Variants in ITGBL1 observed in about 807,000 individuals in gnomAD.
ITGBL1 encodes the protein integrin subunit beta like 1, also known as integrin beta-like protein 1.
A neutral mutation model predicts 68.5 loss-of-function variants in ITGBL1; 51 were observed. The ratio of observed to expected loss-of-function variants is 0.74; its 90% CI spans 0.59 to 0.94. The LOEUF is 0.94. ITGBL1 is among the 40% of genes least tolerant of loss of function. The pLI, the probability that ITGBL1 is intolerant of heterozygous loss-of-function variation, is 0.00. For missense variants in ITGBL1, 649 were observed against 647.4 expected (o/e 1.00, Z -0.03); for synonymous variants, 209 against 227.3 (o/e 0.92, Z 0.72).
At chr13:101,540,381 C>A (rs574686833) in intron 2 of ITGBL1, among the ~76,000 whole-genome samples, 1 of 152,200 alleles carries the variant, frequency 6.6e-6, no homozygotes, top group East Asian at 1.9e-4. Flanking sequence ...GGCATTATTT[C>A]TGAGGGCTCT....
downstream of ITGBL1, chr13:101,717,959 A>T (rs1335686699): frequency 6.6e-6 from 1 of 152,156 alleles, no homozygotes; most frequent in Non-Finnish European, 1.5e-5. Context: ...GAAGAGTGTC[A>T]AAAATGTCCT....
At chr13:101,624,986 T>C (rs2031720324) in intron 7 of ITGBL1, among the ~76,000 whole-genome samples, 2 of 152,212 alleles carry the variant, frequency 1.3e-5, no homozygotes, top group South Asian at 2.1e-4. Context: ...TATTCAGAGA[T>C]AATGCTTCTG....
chr13:101,516,891 G>A (rs1051035890), intron 2 of ITGBL1, among the ~76,000 whole-genome samples: 5 of 152,160 alleles, frequency 3.3e-5, no homozygotes, highest in African/African-American at 1.2e-4. Context: ...CCAATTGTAT[G>A]TATTTACCAC....
intron 1 of ITGBL1, 84 bp from the exon 2 acceptor site, chr13:101,453,799 G>A (rs969619730): frequency 4.4e-5 from 39 of 881,882 alleles, no homozygotes; most frequent in Non-Finnish European, 5.8e-5. Context: ...ACCTGGAGGG[G>A]ACACTGGGGA....
At chr13:101,674,506 G>A (rs2033452502) in intron 7 of ITGBL1, among the ~76,000 whole-genome samples, 1 of 151,930 alleles carries the variant, frequency 6.6e-6, no homozygotes, top group Admixed American at 6.6e-5. Flanking sequence ...TATAAATTTA[G>A]TTTAGATTAC....
rs2281991 is a variant in ITGBL1, at chr13:101,714,475, A to C, written c.1317A>C (p.Glu439Asp). ...GTGGGAAGTGCATTTGTTCTGCTGA[A>C]GAGTGGTATATTTCTGGGGAGTTCT... ...CHCGKCICSA[E>D]EWYISGEFCD... Residue 439 changes from glutamate to aspartate, a missense_variant, in exon 10 of 11, where the codon GAA becomes GAC. Coordinates refer to ENST00000376180, the MANE Select transcript of ITGBL1 (RefSeq NM_004791.3). The C allele has an allele frequency of 6.2e-7, 1 of 1,611,664 alleles. No homozygotes were observed. The highest frequency in any genetic ancestry group is 1.1e-5 in the South Asian group (1 of 90,986).
intron 6 of ITGBL1, among the ~76,000 whole-genome samples, chr13:101,594,188 A>C (rs577965145): frequency 6.1e-4 from 93 of 152,312 alleles, no homozygotes; most frequent in Non-Finnish European, 1.1e-3. Flanking sequence ...ATTATATTAC[A>C]AAACTATAGT....
Position 101,714,437 on chromosome 13 carries a change from G to C in ITGBL1, c.1280-1G>C, listed in dbSNP as rs1290174990. On this transcript the variant is annotated splice_acceptor_variant, in intron 9 of 10. Coordinates refer to ENST00000376180, the MANE Select transcript of ITGBL1 (RefSeq NM_004791.3). LOFTEE classifies it high-confidence loss of function. ...GTGAGTAATAGCCTTTGTAATTTCA[G>C]GTTCTTGTCATTGTGGGAAGTGCAT... is the stretch of plus-strand genomic sequence containing the variant. 1 of 1,566,776 alleles carries C rather than the reference G, an allele frequency of 6.4e-7. No homozygotes were observed. The highest frequency in any genetic ancestry group is 8.8e-7 in the Non-Finnish European group (1 of 1,137,504).
intron 2 of ITGBL1, among the ~76,000 whole-genome samples, chr13:101,476,227 C>T (rs1418371478): frequency 1.3e-5 from 2 of 152,156 alleles, no homozygotes; most frequent in South Asian, 4.1e-4. Context: ...CATTAGTTTT[C>T]TCTTTGCTTG....
At chr13:101,520,079 A>AT (rs2049259896) in intron 2 of ITGBL1, among the ~76,000 whole-genome samples, 1 of 152,168 alleles carries the variant, frequency 6.6e-6, no homozygotes, top group African/African-American at 2.4e-5. Flanking sequence ...TAAAACGAAA[A>AT]TCCAGTGAGA....
rs201396598 is a variant in ITGBL1 at position 101,528,409 on chromosome 13, A to C, written c.317-39290A>C. ...ACATTGTTGTTTATAAATTTCAGTG[A>C]TCTTTCCAAGAAGTCAGCTTTTGGC... On this transcript the variant is annotated intron_variant, in intron 2 of 10. Coordinates refer to ENST00000376180, the MANE Select transcript of ITGBL1 (RefSeq NM_004791.3). Among the ~76,000 whole-genome samples, 39 of 151,858 alleles carry C rather than the reference A, an allele frequency of 2.6e-4. 1 individual carries two copies. The East Asian group carries it at 6.6e-3, about 26-fold the overall frequency.
intron 2 of ITGBL1, among the ~76,000 whole-genome samples, chr13:101,537,388 T>C (rs185208602): frequency 1.3e-5 from 2 of 152,180 alleles, no homozygotes; most frequent in Non-Finnish European, 2.9e-5. Context: ...AATAATTTTA[T>C]ATGAAACTTA....
At chr13:101,487,680 G>T (rs2139052844) in intron 2 of ITGBL1, among the ~76,000 whole-genome samples, 1 of 152,288 alleles carries the variant, frequency 6.6e-6, no homozygotes, top group East Asian at 1.9e-4. Flanking sequence ...TAGATGTGCA[G>T]GTTAACCAGT....
intron 7 of ITGBL1, among the ~76,000 whole-genome samples, chr13:101,606,416 T>C (rs2139356201): frequency 6.6e-6 from 1 of 151,750 alleles, no homozygotes; most frequent in East Asian, 1.9e-4. Flanking sequence ...ATTATAGGTA[T>C]AAAGACATTC....
intron 7 of ITGBL1, among the ~76,000 whole-genome samples, chr13:101,675,368 A>T (rs1194245776): frequency 1.3e-5 from 2 of 152,184 alleles, no homozygotes; most frequent in Non-Finnish European, 2.9e-5. Context: ...CTGTCAAAAA[A>T]ATTATTAAAG....
At chr13:101,667,792 G>A (rs2033258614) in intron 7 of ITGBL1, among the ~76,000 whole-genome samples, 2 of 151,642 alleles carry the variant, frequency 1.3e-5, no homozygotes, top group Admixed American at 1.3e-4. Flanking sequence ...GTGTTATGTT[G>A]TATGTTGTAT....
chr13:101,719,281 T>G (rs1428467189), downstream of ITGBL1: 1 of 152,106 alleles, frequency 6.6e-6, no homozygotes, highest in Non-Finnish European at 1.5e-5. Flanking sequence ...AAGCATTAAT[T>G]AAGCAAGTGG....
intron 2 of ITGBL1, among the ~76,000 whole-genome samples, chr13:101,537,110 GTA>G (rs139842837): frequency 1.0e-3 from 159 of 151,958 alleles, no homozygotes; most frequent in African/African-American, 3.7e-3. Flanking sequence ...GGTTAAAGTC[GTA>G]CCTTCTCTAA....
In ITGBL1 at chr13:101,546,540, A is replaced by G. The variant is rs187148884; in HGVS notation, c.317-21159A>G. The stretch of plus-strand genomic sequence containing the variant: ...AAATAATTTAAAAAGTCAAATGTTA[A>G]GTCTTTGTATAGTCTTCCTGCAAAC... On this transcript the variant is annotated intron_variant, in intron 2 of 10. Coordinates refer to ENST00000376180, the MANE Select transcript of ITGBL1 (RefSeq NM_004791.3). 2.2e-3 allele frequency among the ~76,000 whole-genome samples: 339 copies of G among 152,314 alleles called. 2 individuals carry two copies. Among genetic ancestry groups the G allele is most frequent in the Middle Eastern group, 0.01 (3 of 294 alleles).
Sources: allele counts gnomAD v4.1 joint callset (sites outside exome capture counted in the v4.1 genomes callset), GRCh38; gene constraint gnomAD v4.1.1; transcripts MANE v1.5; gene names NCBI Gene and HGNC (gene_info 2026-07-23, HGNC 2026-07-21).